The following FLRT1 variants were observed in gnomAD, a reference collection of about 807,000 sequenced individuals.
FLRT1 encodes leucine-rich repeat transmembrane protein FLRT1.
Under a neutral mutation model 30.9 loss-of-function variants are expected in FLRT1, and 14 were observed. That is an observed-to-expected ratio of 0.45 (90% confidence interval 0.30 to 0.71). The LOEUF is 0.71. FLRT1 is among the 30% of genes least tolerant of loss of function. The pLI, the probability that FLRT1 is intolerant of heterozygous loss-of-function variation, is 0.08. For synonymous variants in FLRT1, 368 were observed against 430.4 expected (o/e 0.85, Z 1.80); for missense variants, 737 against 949.2 (o/e 0.78, Z 2.94).
rs1271395374 is a variant in FLRT1, at chr11:64,090,373, C to T, written c.-1037-12821C>T. On this transcript the variant is annotated intron_variant, in intron 1 of 2. Transcript: ENST00000682287. The surrounding 1 kb of genome is among the most constrained non-coding windows in gnomAD (Gnocchi z 4.7). The stretch of plus-strand genomic sequence containing the variant: ...AAAGCCACAAATAAGTAAACTCAGG[C>T]AGCAGGGCACAATTACTGAGCCTGG... Among the ~76,000 whole-genome samples the T allele has an allele frequency of 6.6e-6, 1 of 152,232 alleles. No homozygotes were observed. The highest frequency in any genetic ancestry group is 1.5e-5 in the Non-Finnish European group (1 of 68,042).
intron 1 of FLRT1, among the ~76,000 whole-genome samples, chr11:64,099,003 T>C (rs1410255336): frequency 6.6e-6 from 1 of 152,246 alleles, no homozygotes; most frequent in Non-Finnish European, 1.5e-5. Context: ...AGCTATGAAC[T>C]GTAAAGCTGA....
chr11:64,039,372 C>T lies in FLRT1; in HGVS notation c.-1038+3213C>T, dbSNP rs562225186. ...AGGCCCAGGCCCCAGGCCCTGGCTG[C>T]TGCCCCCGGTGTACTGCCTTCCAAG... is the stretch of plus-strand genomic sequence containing the variant. On this transcript the variant is annotated intron_variant, in intron 1 of 2. Transcript: ENST00000682287. 3.3e-5 allele frequency among the ~76,000 whole-genome samples: 5 copies of T among 152,318 alleles called. No individual in the cohort carries two copies. In the South Asian group the frequency reaches 1.0e-3, roughly 32 times the overall value.
chr11:64,048,642 TG>T (rs1943631666), intron 1 of FLRT1, among the ~76,000 whole-genome samples: 1 of 152,202 alleles, frequency 6.6e-6, no homozygotes, highest in Admixed American at 6.5e-5. Flanking sequence ...AAGCACTTTA[TG>T]CGTCATCACC....
chr11:64,088,918 AG>A (rs1461630134), intron 1 of FLRT1, among the ~76,000 whole-genome samples: 1 of 152,086 alleles, frequency 6.6e-6, no homozygotes, highest in Non-Finnish European at 1.5e-5. Flanking sequence ...GGGCGGGGTT[AG>A]GAAACCAACA....
At chr11:64,060,836 G>A (rs901278762) in intron 1 of FLRT1, among the ~76,000 whole-genome samples, 7 of 152,170 alleles carry the variant, frequency 4.6e-5, no homozygotes, top group African/African-American at 1.7e-4. Context: ...CCGGGTCCCG[G>A]AGCCGGCGGG....
chr11:64,056,722 G>A (rs1046094616), intron 1 of FLRT1, among the ~76,000 whole-genome samples: 3 of 152,214 alleles, frequency 2.0e-5, no homozygotes, highest in East Asian at 1.9e-4. Context: ...CAGAGAACCC[G>A]GCAGGGGTGT....
rs1590914869 is a variant in FLRT1 at position 64,105,153 on chromosome 11, T to C, written c.-50+972T>C. The stretch of plus-strand genomic sequence containing the variant: ...TGCCCTGCGGATGGGCTATTTGCTG[T>C]TATTTATTATAAAAGTGCGCCAGCC... On this transcript the variant is annotated intron_variant, in intron 2 of 2. Coordinates refer to ENST00000682287, the MANE Select transcript of FLRT1 (RefSeq NM_013280.5). Among the ~76,000 whole-genome samples the C allele has an allele frequency of 2.0e-5, 3 of 152,346 alleles. No individual in the cohort carries two copies. The South Asian group carries it at 6.2e-4, about 32-fold the overall frequency.
intron 1 of FLRT1, among the ~76,000 whole-genome samples, chr11:64,068,665 G>T (rs189717251): frequency 6.6e-6 from 1 of 152,362 alleles, no homozygotes; most frequent in East Asian, 1.9e-4. Context: ...ACCCCCTCCA[G>T]CCTGCACCAA....
intron 1 of FLRT1, among the ~76,000 whole-genome samples, chr11:64,039,427 T>G (rs1590824526): frequency 6.6e-6 from 1 of 151,490 alleles, no homozygotes; most frequent in African/African-American, 2.4e-5. Flanking sequence ...TAGCGGGGGG[T>G]CCCTCCTCAG....
intron 1 of FLRT1, among the ~76,000 whole-genome samples, chr11:64,088,367 C>T (rs1160112777): frequency 7.2e-5 from 11 of 152,224 alleles, no homozygotes; most frequent in African/African-American, 2.4e-4. Flanking sequence ...GGGCCTTGGG[C>T]GTGACTGTCT....
At chr11:64,050,999 C>T (rs1196748177) in intron 1 of FLRT1, among the ~76,000 whole-genome samples, 1 of 152,232 alleles carries the variant, frequency 6.6e-6, no homozygotes, top group African/African-American at 2.4e-5. Context: ...CTCCTGAATC[C>T]TCTGGACCAG....
chr11:64,055,286 C>T (rs1024257824), intron 1 of FLRT1, among the ~76,000 whole-genome samples: 48 of 152,212 alleles, frequency 3.2e-4, no homozygotes, highest in African/African-American at 8.0e-4. Context: ...ATGCAGTGGG[C>T]GGGAGACAGG....
intron 2 of FLRT1, among the ~76,000 whole-genome samples, chr11:64,114,055 CATGGATGGATGGATGGATGGATGG>C (rs61724501): frequency 1.0e-5 from 1 of 98,034 alleles, no homozygotes; most frequent in South Asian, 3.4e-4. Flanking sequence ...TGGGTTGATG[CATGGATGGATGGATGGATGGATGG>C]ATGGATGGAT....
At position 64,063,764 on chromosome 11, in the gene FLRT1, C is replaced by T. The variant is rs575097302; in HGVS notation, c.-1038+27605C>T. 2.0e-5 allele frequency among the ~76,000 whole-genome samples: 3 copies of T among 152,340 alleles called. No individual in the cohort carries two copies. The South Asian group carries it at 6.2e-4, about 32-fold the overall frequency. On this transcript the variant is annotated intron_variant, in intron 1 of 2. Coordinates refer to ENST00000682287, the MANE Select transcript of FLRT1 (RefSeq NM_013280.5). ...AGCCACGCGGTCCTCGCCCGGCTGTCAGCCAGCAATCATGCCTAATAAAGG... is the reference window on the plus strand; with the variant it reads ...AGCCACGCGGTCCTCGCCCGGCTGTTAGCCAGCAATCATGCCTAATAAAGG...
chr11:64,048,423 C>T (rs536417395), intron 1 of FLRT1, among the ~76,000 whole-genome samples: 1 of 152,274 alleles, frequency 6.6e-6, no homozygotes, highest in East Asian at 1.9e-4. Context: ...CTGGACCCTC[C>T]GTTGGCCTGG....
At chr11:64,044,914 G>A (rs908199135) in intron 1 of FLRT1, among the ~76,000 whole-genome samples, 1 of 152,192 alleles carries the variant, frequency 6.6e-6, no homozygotes, top group Non-Finnish European at 1.5e-5. Context: ...GCCTGGGGCT[G>A]GTACTGACAG....
intron 1 of FLRT1, among the ~76,000 whole-genome samples, chr11:64,092,882 T>A (rs888071655): frequency 1.3e-5 from 2 of 152,100 alleles, no homozygotes; most frequent in Non-Finnish European, 2.9e-5. Context: ...ACCGCTGGAG[T>A]GAACAAACTT....
Position 64,117,213 on chromosome 11 carries a change from G to C in FLRT1, c.946G>C (p.Asp316His). 1 of 1,614,130 alleles carries C rather than the reference G, an allele frequency of 6.2e-7. No individual in the cohort carries two copies. Among genetic ancestry groups the C allele is most frequent in the Non-Finnish European group, 8.5e-7 (1 of 1,180,008 alleles). ...CACGCTGCCCCGCGGCCTGTTCGAC[G>C]ACCTGGGGAACCTGGCCCAGCTGCT... Reference protein sequence around the residue: ...LTTLPRGLFDDLGNLAQLLLR... With the variant: ...LTTLPRGLFDHLGNLAQLLLR... The change falls in exon 3 of 3, where the codon GAC (aspartate) becomes CAC (histidine). Residue 316 changes from aspartate to histidine, a missense_variant. Coordinates refer to ENST00000682287, the MANE Select transcript of FLRT1 (RefSeq NM_013280.5).
chr11:64,048,133 A>G (rs1943619901), intron 1 of FLRT1, among the ~76,000 whole-genome samples: 4 of 152,174 alleles, frequency 2.6e-5, no homozygotes, highest in Non-Finnish European at 5.9e-5. Context: ...AGGGCCGGGC[A>G]GGGGCCCTGC....
Sources: allele counts gnomAD v4.1 joint callset (sites outside exome capture counted in the v4.1 genomes callset), GRCh38; gene constraint gnomAD v4.1.1; non-coding constraint Gnocchi (gnomAD v3.1); transcripts MANE v1.5; gene names NCBI Gene and HGNC (gene_info 2026-07-23, HGNC 2026-07-21).